The following ZAP70 variants were observed in gnomAD, a reference collection of about 807,000 sequenced individuals.
The protein encoded by ZAP70 is tyrosine-protein kinase ZAP-70.
In ZAP70, 27 loss-of-function variants were observed where a neutral mutation model predicts 65.8. The ratio of observed to expected loss-of-function variants is 0.41; its 90% confidence interval spans 0.30 to 0.57. ZAP70 has a LOEUF of 0.57. Ranked by LOEUF, ZAP70 falls within the 20% of genes least tolerant of loss-of-function variation. The pLI is 0.28. For synonymous variants in ZAP70, 363 were observed against 360.8 expected, an observed-to-expected ratio of 1.01 and a Z score of -0.07; for missense variants, 696 against 870.5, an observed-to-expected ratio of 0.80 and a Z score of 2.52.
intron 4 of ZAP70, among the ~76,000 whole-genome samples, chr2:97,727,524 G>A (rs896980305): frequency 1.3e-5 from 2 of 152,120 alleles, no homozygotes; most frequent in African/African-American, 2.4e-5. Context: ...TTGCTCCCAC[G>A]TTCTCACATG....
chr2:97,735,245 G>A lies in ZAP70; in HGVS notation c.1083-5G>A. On this transcript the variant is annotated splice_region_variant and splice_polypyrimidine_tract_variant and intron_variant, in intron 9 of 13. Coordinates refer to ENST00000264972, the MANE Select transcript of ZAP70 (RefSeq NM_001079.4). ...CCACGTGCCTCCCGTGGCCGGGTCG[G>A]GCAGGAAGCAGATCGACGTGGCCAT... 6.2e-7 allele frequency: 1 copy of A among 1,613,804 alleles called. No individual in the cohort carries two copies. Among genetic ancestry groups the A allele is most frequent in the Non-Finnish European group, 8.5e-7 (1 of 1,179,934 alleles).
rs570922290 is a variant in ZAP70, at chr2:97,728,704, G to A, written c.563+3452G>A. Reference sequence around the variant, plus strand: ...GCAATTTTATGGAACCGGCTGATTCGACTTTAAAAGAAACTTGTCCTGGAA... The same window carrying A: ...GCAATTTTATGGAACCGGCTGATTCAACTTTAAAAGAAACTTGTCCTGGAA... On this transcript the variant is annotated intron_variant, in intron 4 of 13. Coordinates refer to ENST00000264972, the MANE Select transcript of ZAP70 (RefSeq NM_001079.4). Among the ~76,000 whole-genome samples, 177 of 152,242 alleles carry A rather than the reference G, an allele frequency of 1.2e-3. 1 individual carries two copies. The highest frequency in any genetic ancestry group is 3.4e-3 in the Middle Eastern group (1 of 294).
chr2:97,750,290 A>G, the ZAP70 span, among the ~76,000 whole-genome samples: 3 of 152,300 alleles, frequency 2.0e-5, no homozygotes, highest in East Asian at 5.8e-4. Flanking sequence ...GGGGACCCAA[A>G]CAACAGTGAG....
downstream of ZAP70, among the ~76,000 whole-genome samples, chr2:97,742,598 T>TG (rs1678158530): frequency 6.6e-6 from 1 of 152,268 alleles, no homozygotes; most frequent in South Asian, 2.1e-4. Flanking sequence ...TCTTCTCTGT[T>TG]GGAGGCTGGG....
the ZAP70 span, among the ~76,000 whole-genome samples, chr2:97,755,676 G>T: frequency 6.6e-6 from 1 of 152,152 alleles, no homozygotes; most frequent in Non-Finnish European, 1.5e-5. Flanking sequence ...CCCACAGGTG[G>T]CCCCCAGAGC....
At chr2:97,735,873 C>T (rs971984471) in intron 10 of ZAP70, among the ~76,000 whole-genome samples, 3 of 152,094 alleles carry the variant, frequency 2.0e-5, no homozygotes, top group Admixed American at 1.3e-4. Flanking sequence ...ATTAGCTGGG[C>T]GTGGTGGTGG....
In ZAP70 at chr2:97,737,387, G is replaced by A; in HGVS notation, c.1290-86G>A. ...TTGAACACATGGTCACCTGGCTCATGCCCAGCTGGGTCAGAGAAGCATGCT... is the reference window on the plus strand; with the variant it reads ...TTGAACACATGGTCACCTGGCTCATACCCAGCTGGGTCAGAGAAGCATGCT... On this transcript the variant is annotated intron_variant, in intron 10 of 13. Coordinates refer to ENST00000264972, the MANE Select transcript of ZAP70 (RefSeq NM_001079.4). This position sits in a 1 kb window ranked among gnomAD's most constrained non-coding sequence, Gnocchi z 5.0. The A allele has an allele frequency of 6.9e-7, 1 of 1,458,356 alleles. No individual in the cohort carries two copies. The highest frequency in any genetic ancestry group is 9.6e-7 in the Non-Finnish European group (1 of 1,043,508). The allele number at this position is 1,458,356 out of a possible 1,614,324, so 90.3% of individuals were successfully genotyped here.
At position 97,724,306 on chromosome 2, in the gene ZAP70, C is replaced by T; in HGVS notation, c.270C>T (p.Asp90=). The change falls in exon 3 of 14, where the codon GAC becomes GAT. Residue 90 remains aspartate (D), a synonymous_variant. Transcript: ENST00000264972. ...AGCTCTGCGAGTTCTACTCGCGCGACCCCGACGGGCTGCCCTGCAACCTGC... is the reference window on the plus strand; with the variant it reads ...AGCTCTGCGAGTTCTACTCGCGCGATCCCGACGGGCTGCCCTGCAACCTGC... The part of the protein sequence containing the change: ...PAELCEFYSR[D]PDGLPCNLRK... 6.3e-7 allele frequency: 1 copy of T among 1,589,534 alleles called. No individual in the cohort carries two copies. The highest frequency in any genetic ancestry group is 1.3e-5 in the African/African-American group (1 of 74,720).
intron 9 of ZAP70, chr2:97,734,967 C>T (rs547770345): frequency 4.6e-5 from 30 of 656,476 alleles, no homozygotes; most frequent in East Asian, 2.2e-4. Context: ...GTGGGGTCCC[C>T]GATCCCTGAG....
chr2:97,734,653 C>T lies in ZAP70; in HGVS notation c.1023C>T (p.Asp341=), dbSNP rs1336813841. ...AGCGCGATAACCTCCTCATAGCTGACATTGAACTTGGCTGCGGCAACTTTG... is the reference window on the plus strand; with the variant it reads ...AGCGCGATAACCTCCTCATAGCTGATATTGAACTTGGCTGCGGCAACTTTG... ...FLKRDNLLIA[D]IELGCGNFGS... The change falls in exon 9 of 14, where the codon GAC becomes GAT. Residue 341 remains aspartate (D), a synonymous_variant. Coordinates refer to ENST00000264972, the MANE Select transcript of ZAP70 (RefSeq NM_001079.4). The T allele has an allele frequency of 1.2e-6, 2 of 1,614,210 alleles. No individual in the cohort carries two copies. Among genetic ancestry groups the T allele is most frequent in the Admixed American group, 1.7e-5 (1 of 60,038 alleles).
intron 4 of ZAP70, among the ~76,000 whole-genome samples, chr2:97,730,878 A>G (rs537866679): frequency 1.3e-5 from 2 of 152,002 alleles, no homozygotes; most frequent in East Asian, 3.9e-4. Flanking sequence ...ACACAGTGAA[A>G]CCCCATCTCT....
In ZAP70 at chr2:97,731,695, C is replaced by G. The variant is rs115281732; in HGVS notation, c.564-1188C>G. ...GGTGGGCCCATGGCTGCCTTGCTCA[C>G]TGCCATATCCCTGCGCTGAGAACAG... is the stretch of plus-strand genomic sequence containing the variant. On this transcript the variant is annotated intron_variant, in intron 4 of 13. Transcript: ENST00000264972. This position sits in a 1 kb window ranked among gnomAD's most constrained non-coding sequence, Gnocchi z 4.0. Among the ~76,000 whole-genome samples, 5,166 of 152,306 alleles carry G rather than the reference C, an allele frequency of 0.034. 297 individuals carry two copies. The highest frequency in any genetic ancestry group is 0.12 in the African/African-American group (4,925 of 41,534).
intron 2 of ZAP70, among the ~76,000 whole-genome samples, chr2:97,719,976 G>A (rs1481541550): frequency 2.0e-5 from 3 of 152,122 alleles, no homozygotes; most frequent in Non-Finnish European, 4.4e-5. Flanking sequence ...TCCAGCCTGA[G>A]GCCTTTGCGA....
downstream of ZAP70, among the ~76,000 whole-genome samples, chr2:97,742,284 T>A (rs1041779404): frequency 2.6e-5 from 4 of 152,262 alleles, no homozygotes; most frequent in Admixed American, 6.5e-5. Context: ...AAACATTTTT[T>A]AATTTTAGAT....
intron 4 of ZAP70, 104 bp downstream of exon 4, chr2:97,725,356 C>A: frequency 7.0e-7 from 1 of 1,426,594 alleles, no homozygotes; most frequent in Non-Finnish European, 9.7e-7. Context: ...GTAAGGGTGT[C>A]CCTGTGCTCA....
downstream of ZAP70, among the ~76,000 whole-genome samples, chr2:97,743,047 G>T (rs1397603531): frequency 6.6e-6 from 1 of 152,222 alleles, no homozygotes; most frequent in Non-Finnish European, 1.5e-5. Flanking sequence ...CTAGGAAGGG[G>T]CTGTGGTGTT....
intron 8 of ZAP70, 82 bp downstream of exon 8, chr2:97,733,677 CG>C: frequency 1.3e-6 from 2 of 1,574,322 alleles, no homozygotes; most frequent in Non-Finnish European, 1.7e-6. Flanking sequence ...TGGGGTTTCA[CG>C]GGGGGCGCTG....
chr2:97,740,064 G>A (rs1044163534), downstream of ZAP70, among the ~76,000 whole-genome samples: 10 of 152,088 alleles, frequency 6.6e-5, no homozygotes, highest in African/African-American at 1.9e-4. Flanking sequence ...GAGGCCAGGC[G>A]GGTGTGGGCC....
the ZAP70 span, among the ~76,000 whole-genome samples, chr2:97,750,730 C>T: frequency 6.6e-6 from 1 of 152,178 alleles, no homozygotes; most frequent in Non-Finnish European, 1.5e-5. Flanking sequence ...CTGTCCTGTT[C>T]CCCTGTGGTG....
Sources: allele counts gnomAD v4.1 joint callset (sites outside exome capture counted in the v4.1 genomes callset), GRCh38; gene constraint gnomAD v4.1.1; non-coding constraint Gnocchi (gnomAD v3.1); transcripts MANE v1.5; gene names NCBI Gene and HGNC (gene_info 2026-07-23, HGNC 2026-07-21).